Variants in RUNX2 observed in about 807,000 individuals in gnomAD.
The protein encoded by RUNX2 is runt-related transcription factor 2.
Under a neutral mutation model 51.7 loss-of-function variants are expected in RUNX2, and 10 were observed. The observed-to-expected ratio is 0.19, with a 90% CI of 0.12 to 0.33. The LOEUF (loss-of-function observed/expected upper bound fraction) is 0.33, where lower values mean the gene tolerates loss of function less well. Ranked by LOEUF, RUNX2 falls within the 10% of genes least tolerant of loss-of-function variation. The probability of loss-of-function intolerance (pLI) is 1.00; values close to 1 mark genes in which losing one functional copy is unlikely to be tolerated. For synonymous variants in RUNX2, 276 were observed against 273.6 expected, an observed-to-expected ratio of 1.01 and a Z score of -0.09; for missense variants, 562 against 691.3, an observed-to-expected ratio of 0.81 and a Z score of 2.10.
At chr6:45,402,895 C>T (rs188141874) in intron 2 of RUNX2, among the ~76,000 whole-genome samples, 8 of 152,206 alleles carry the variant, frequency 5.3e-5, no homozygotes, top group Middle Eastern at 3.4e-3. Flanking sequence ...TCCCCTATCC[C>T]GCAAACAAAC....
chr6:45,504,203 C>T lies in RUNX2; in HGVS notation c.860-8043C>T, dbSNP rs749176887. On this transcript the variant is annotated intron_variant, in intron 6 of 8. Coordinates refer to ENST00000647337, the MANE Select transcript of RUNX2 (RefSeq NM_001024630.4). ...GAGCCAGATGCTCTGTGATGGGAGGCGCTGCATTGTCAGCTACCTTTCATA... is the reference window on the plus strand; with the variant it reads ...GAGCCAGATGCTCTGTGATGGGAGGTGCTGCATTGTCAGCTACCTTTCATA... 7.9e-5 allele frequency among the ~76,000 whole-genome samples: 12 copies of T among 152,134 alleles called. No individual in the cohort carries two copies. The South Asian group carries it at 1.7e-3, about 21-fold the overall frequency.
intron 6 of RUNX2, among the ~76,000 whole-genome samples, chr6:45,503,638 C>T (rs1439531691): frequency 6.6e-5 from 10 of 152,314 alleles, no homozygotes; most frequent in Admixed American, 2.0e-4. Flanking sequence ...CTAGCTTTGC[C>T]GTTGAGATTC....
chr6:45,329,198 T>C (rs1786958172), intron 2 of RUNX2, among the ~76,000 whole-genome samples: 1 of 151,906 alleles, frequency 6.6e-6, no homozygotes, highest in Non-Finnish European at 1.5e-5. Context: ...AGGAAGCAAT[T>C]TTACAAAATA....
intron 5 of RUNX2, among the ~76,000 whole-genome samples, chr6:45,471,317 A>G (rs1365607820): frequency 1.3e-5 from 2 of 152,196 alleles, no homozygotes; most frequent in Non-Finnish European, 2.9e-5. Flanking sequence ...GGAGATATTT[A>G]TGGATATAAG....
At chr6:45,473,679 G>A (rs1799872014) in intron 5 of RUNX2, among the ~76,000 whole-genome samples, 1 of 152,228 alleles carries the variant, frequency 6.6e-6, no homozygotes, top group Non-Finnish European at 1.5e-5. Context: ...GAGTGAAATT[G>A]TCTGCATAAT....
intron 7 of RUNX2, among the ~76,000 whole-genome samples, chr6:45,542,462 G>A (rs937721262): frequency 2.0e-5 from 3 of 152,168 alleles, no homozygotes; most frequent in African/African-American, 7.2e-5. Flanking sequence ...GGCTAGGGGT[G>A]TAGACAGCAG....
chr6:45,470,217 G>A (rs1157023208), intron 5 of RUNX2, among the ~76,000 whole-genome samples: 1 of 152,182 alleles, frequency 6.6e-6, no homozygotes, highest in African/African-American at 2.4e-5. Flanking sequence ...TCTGAAGTAG[G>A]AAGTATTTGT....
intron 7 of RUNX2, among the ~76,000 whole-genome samples, chr6:45,516,141 C>T (rs958198177): frequency 3.3e-5 from 5 of 152,000 alleles, no homozygotes; most frequent in African/African-American, 1.2e-4. Context: ...TTTCCTCAGA[C>T]CATTTTTGGA....
chr6:45,435,544 G>A (rs565990836), intron 4 of RUNX2, among the ~76,000 whole-genome samples: 3 of 152,028 alleles, frequency 2.0e-5, no homozygotes, highest in Non-Finnish European at 4.4e-5. Context: ...TTTTAGTAGA[G>A]ACAGGGTTTC....
chr6:45,446,712 G>T (rs147436063), intron 5 of RUNX2, among the ~76,000 whole-genome samples: 14 of 152,198 alleles, frequency 9.2e-5, no homozygotes, highest in African/African-American at 2.9e-4. Flanking sequence ...TCCATACCTA[G>T]CATTTTTATA....
chr6:45,505,094 C>T lies in RUNX2; in HGVS notation c.860-7152C>T, dbSNP rs1016800130. Among the ~76,000 whole-genome samples the T allele has an allele frequency of 2.0e-5, 3 of 152,194 alleles. No homozygotes were observed. The East Asian group carries it at 5.8e-4, about 29-fold the overall frequency. ...AGGCTTTGCTCCCATTGACTTGTTT[C>T]CTCCCGTCTGCATCAAGTTCAGCAC... is the stretch of plus-strand genomic sequence containing the variant. On this transcript the variant is annotated intron_variant, in intron 6 of 8. Coordinates refer to ENST00000647337, the MANE Select transcript of RUNX2 (RefSeq NM_001024630.4).
intron 7 of RUNX2, among the ~76,000 whole-genome samples, chr6:45,522,866 A>G (rs1801550046): frequency 6.6e-6 from 1 of 152,234 alleles, no homozygotes; most frequent in South Asian, 2.1e-4. Context: ...TCTAGAAGTA[A>G]GATTCTATAG....
intron 8 of RUNX2, 107 bp downstream of exon 8, chr6:45,545,389 G>A: frequency 8.0e-7 from 1 of 1,250,470 alleles, no homozygotes; most frequent in Non-Finnish European, 1.1e-6. Context: ...TGCTTTTAAA[G>A]AGTCACTTTT....
intron 2 of RUNX2, among the ~76,000 whole-genome samples, chr6:45,403,199 C>G (rs904159168): frequency 6.8e-5 from 10 of 146,192 alleles, no homozygotes; most frequent in African/African-American, 2.3e-4. Context: ...GGTTTAAGGT[C>G]TCTTCTTCCA....
intron 3 of RUNX2, among the ~76,000 whole-genome samples, chr6:45,428,864 T>C (rs1350877679): frequency 6.8e-6 from 1 of 147,072 alleles, no homozygotes; most frequent in Non-Finnish European, 1.5e-5. Flanking sequence ...TTCGGAAATG[T>C]AGCCAGACTT....
At chr6:45,420,999 C>T (rs1009357584) in intron 2 of RUNX2, 1 of 152,136 alleles carries the variant, frequency 6.6e-6, no homozygotes, top group African/African-American at 2.4e-5. Flanking sequence ...TCCTCTCGAC[C>T]ACAACTTTTT....
intron 2 of RUNX2, among the ~76,000 whole-genome samples, chr6:45,334,110 A>C (rs1208567226): frequency 1.3e-5 from 2 of 151,260 alleles, no homozygotes; most frequent in African/African-American, 4.8e-5. Flanking sequence ...TCCTATTGCC[A>C]ATTCTCTTAA....
rs1489455122 is a variant in RUNX2 at position 45,422,852 on chromosome 6, C to T, written c.318C>T (p.Ile106=). The T allele has an allele frequency of 1.8e-5, 29 of 1,611,274 alleles. No homozygotes were observed. Among genetic ancestry groups the T allele is most frequent in the Non-Finnish European group, 2.1e-5 (25 of 1,179,474 alleles). Residue 106 remains isoleucine (I), a synonymous_variant, in exon 3 of 9, where the codon ATC becomes ATT. Coordinates refer to ENST00000647337, the MANE Select transcript of RUNX2 (RefSeq NM_001024630.4). ...PHDNRTMVEI[I]ADHPAELVRT... ...ACAACCGCACCATGGTGGAGATCAT[C>T]GCCGACCACCCGGCCGAACTCGTCC...
chr6:45,416,438 A>G (rs907872506), intron 2 of RUNX2, among the ~76,000 whole-genome samples: 2 of 152,200 alleles, frequency 1.3e-5, no homozygotes, highest in Non-Finnish European at 2.9e-5. Flanking sequence ...ATAGGATAGC[A>G]CCTTCCTTGG....
Sources: gnomAD v4.1 joint callset for allele counts (sites outside exome capture counted in the v4.1 genomes callset) on GRCh38, gnomAD v4.1.1 for gene constraint, MANE v1.5 for transcripts, NCBI Gene and HGNC (gene_info 2026-07-23, HGNC 2026-07-21) for gene names.